The following CCDC12 variants were observed in gnomAD, a reference collection of about 807,000 sequenced individuals.
The protein encoded by CCDC12 is coiled-coil domain containing 12, also known as coiled-coil domain-containing protein 12.
CCDC12 carries 28 observed loss-of-function variants against 25.7 expected under a neutral mutation model. The observed-to-expected ratio is 1.09, with a 90% CI of 0.81 to 1.50. The LOEUF (loss-of-function observed/expected upper bound fraction) is 1.50, where lower values mean the gene tolerates loss of function less well. Ranked by LOEUF, CCDC12 falls within the 40% of genes most tolerant of loss-of-function variation. The probability of loss-of-function intolerance (pLI) is 0.00; values close to 1 mark genes in which losing one functional copy is unlikely to be tolerated. For missense variants in CCDC12, 198 were observed against 210.0 expected (o/e 0.94, Z 0.35); for synonymous variants, 75 against 87.7 (o/e 0.86, Z 0.81).
Position 46,926,928 on chromosome 3 carries a change from T to C in CCDC12, c.165-1393A>G, listed in dbSNP as rs547371703. Among the ~76,000 whole-genome samples, 33 of 152,326 alleles carry C rather than the reference T, an allele frequency of 2.2e-4. 1 individual carries two copies. Among genetic ancestry groups the C allele is most frequent in the African/African-American group, 7.7e-4 (32 of 41,572 alleles). ...AAGTGCTGCTGACTTCCTCAGGCCCTGCAAAAGCAAGCTTTCCCAGAGGCA... is the reference window on the plus strand; with the variant it reads ...AAGTGCTGCTGACTTCCTCAGGCCCCGCAAAAGCAAGCTTTCCCAGAGGCA... On this transcript the variant is annotated intron_variant, in intron 2 of 6. Transcript: ENST00000683445.
chr3:46,946,770 G>T (rs2033923453), intron 1 of CCDC12, among the ~76,000 whole-genome samples: 1 of 152,206 alleles, frequency 6.6e-6, no homozygotes, highest in African/African-American at 2.4e-5. Context: ...TGTTTGGGAG[G>T]GGGGTTAAAG....
chr3:46,969,221 C>G (rs2034727311), intron 1 of CCDC12, among the ~76,000 whole-genome samples: 1 of 152,170 alleles, frequency 6.6e-6, no homozygotes, highest in African/African-American at 2.4e-5. Flanking sequence ...CCCAACCTGG[C>G]CAGGGACCCT....
chr3:46,974,403 A>C (rs2034902638), intron 1 of CCDC12, among the ~76,000 whole-genome samples: 1 of 152,204 alleles, frequency 6.6e-6, no homozygotes, highest in Non-Finnish European at 1.5e-5. Context: ...ATGATCTAGC[A>C]CGTCCTTCCC....
chr3:46,964,395 G>A (rs1347717438), intron 1 of CCDC12, among the ~76,000 whole-genome samples: 18 of 151,898 alleles, frequency 1.2e-4, no homozygotes, highest in South Asian at 8.4e-4. Flanking sequence ...CTGCCCGGCC[G>A]CCCCTTCTGG....
chr3:46,951,796 A>ATATAT (rs1253076967), intron 1 of CCDC12, among the ~76,000 whole-genome samples: 2 of 20,246 alleles, frequency 9.9e-5, no homozygotes, highest in African/African-American at 1.4e-4. Flanking sequence ...AAAAAAAAAA[A>ATATAT]AAATATATAT....
chr3:46,923,919 T>A, intron 3 of CCDC12: 2 of 388,718 alleles, frequency 5.1e-6, no homozygotes, highest in Non-Finnish European at 9.1e-6. Flanking sequence ...CCACAGTCAG[T>A]CAGGAAGCAT....
At chr3:46,968,102 T>C (rs2034692416) in intron 1 of CCDC12, among the ~76,000 whole-genome samples, 1 of 152,194 alleles carries the variant, frequency 6.6e-6, no homozygotes, top group Non-Finnish European at 1.5e-5. Context: ...CATAGGTATG[T>C]GTTGGGAACC....
In CCDC12 at chr3:46,963,698, T is replaced by C. The variant is rs564458957; in HGVS notation, c.96+12939A>G. On this transcript the variant is annotated intron_variant, in intron 1 of 6. Coordinates refer to ENST00000683445, the MANE Select transcript of CCDC12 (RefSeq NM_001277074.2). ...GTCTCCAGCTCCTAACCGCGAGTGA[T>C]CCGCCAGCCTCGGCCTCCCGAGGTG... 7.1e-3 allele frequency among the ~76,000 whole-genome samples: 1,075 copies of C among 152,374 alleles called. 13 individuals carry two copies. The highest frequency in any genetic ancestry group is 0.024 in the African/African-American group (1,019 of 41,596).
intron 1 of CCDC12, among the ~76,000 whole-genome samples, chr3:46,951,799 ATAT>A (rs1165776601): frequency 2.3e-3 from 66 of 29,112 alleles, no homozygotes; most frequent in African/African-American, 7.3e-3. Flanking sequence ...AAAAAAAAAA[ATAT>A]ATATATATAT....
At chr3:46,932,854 A>T (rs1449075786) in intron 2 of CCDC12, among the ~76,000 whole-genome samples, 1 of 152,154 alleles carries the variant, frequency 6.6e-6, no homozygotes, top group Admixed American at 6.5e-5. Context: ...TCTCGAGACC[A>T]CCCTTCCACA....
At chr3:46,936,747 T>G (rs1343923134) in intron 2 of CCDC12, among the ~76,000 whole-genome samples, 1 of 152,150 alleles carries the variant, frequency 6.6e-6, no homozygotes, top group Non-Finnish European at 1.5e-5. Flanking sequence ...TAAAGCATGA[T>G]GAACTAGCTA....
intron 2 of CCDC12, among the ~76,000 whole-genome samples, chr3:46,933,991 C>G (rs2033340496): frequency 6.6e-6 from 1 of 151,644 alleles, no homozygotes; most frequent in South Asian, 2.1e-4. Flanking sequence ...GCAATCTCGG[C>G]TCACTACAAG....
At chr3:46,970,957 G>A (rs1327381546) in intron 1 of CCDC12, among the ~76,000 whole-genome samples, 1 of 152,156 alleles carries the variant, frequency 6.6e-6, no homozygotes, top group Non-Finnish European at 1.5e-5. Context: ...TACCATCCCT[G>A]CTGGAAACCC....
chr3:46,978,982 C>G (rs1440341609), upstream of CCDC12, among the ~76,000 whole-genome samples: 3 of 151,976 alleles, frequency 2.0e-5, no homozygotes, highest in Non-Finnish European at 4.4e-5. Context: ...GACTCTGTCT[C>G]AAAAACAAAC....
upstream of CCDC12, chr3:46,976,971 A>AG: frequency 9.5e-6 from 3 of 315,238 alleles, no homozygotes; most frequent in Non-Finnish European, 1.7e-5. Context: ...AAAAAAAAAG[A>AG]AAAAAAAAAA....
chr3:46,936,002 G>A (rs1287800424), intron 2 of CCDC12, among the ~76,000 whole-genome samples: 1 of 152,180 alleles, frequency 6.6e-6, no homozygotes, highest in Non-Finnish European at 1.5e-5. Flanking sequence ...ATTCTGAAAA[G>A]GTCTCCTCAG....
intron 1 of CCDC12, among the ~76,000 whole-genome samples, chr3:46,943,435 A>G (rs1325304752): frequency 1.3e-5 from 2 of 152,234 alleles, no homozygotes; most frequent in Non-Finnish European, 2.9e-5. Flanking sequence ...GCAGAGAAGG[A>G]AAAGCAGAAA....
At chr3:46,940,962 G>A (rs898015366) in intron 2 of CCDC12, 36 bp downstream of exon 2, 2 of 1,601,456 alleles carry the variant, frequency 1.2e-6, no homozygotes, top group South Asian at 1.1e-5. Flanking sequence ...AGTGCTGGAG[G>A]AGAGAGCAGA....
intron 2 of CCDC12, among the ~76,000 whole-genome samples, chr3:46,934,805 A>T (rs1225161923): frequency 6.6e-6 from 1 of 152,264 alleles, no homozygotes; most frequent in Non-Finnish European, 1.5e-5. Flanking sequence ...ACTGCCCATG[A>T]CTGGGACATC....
Sources: allele counts gnomAD v4.1 joint callset (sites outside exome capture counted in the v4.1 genomes callset), GRCh38; gene constraint gnomAD v4.1.1; transcripts MANE v1.5; gene names NCBI Gene and HGNC (gene_info 2026-07-23, HGNC 2026-07-21).